The following ITPR2 variants were observed in gnomAD, a reference collection of about 807,000 sequenced individuals.
ITPR2 encodes inositol 1,4,5-trisphosphate-gated calcium channel ITPR2.
A neutral mutation model predicts 317.1 loss-of-function variants in ITPR2; 207 were observed. The ratio of observed to expected loss-of-function variants is 0.65; its 90% CI spans 0.58 to 0.73. ITPR2 has a LOEUF of 0.73. ITPR2 is among the 30% of genes least tolerant of loss of function. ITPR2 has a pLI of 0.00. For synonymous variants in ITPR2, 1,156 were observed against 1,149.1 expected (o/e 1.01, Z -0.12); for missense variants, 2,613 against 3,284.0 (o/e 0.80, Z 4.99).
intron 1 of ITPR2, among the ~76,000 whole-genome samples, chr12:26,815,496 G>C (rs900231020): frequency 1.3e-5 from 2 of 152,086 alleles, no homozygotes; most frequent in Non-Finnish European, 2.9e-5. Flanking sequence ...TGAAATATTA[G>C]CAACTAAAAT....
At chr12:26,693,008 T>A (rs1179855479) in intron 10 of ITPR2, among the ~76,000 whole-genome samples, 6 of 152,236 alleles carry the variant, frequency 3.9e-5, no homozygotes, top group Non-Finnish European at 7.3e-5. Context: ...ATTATTGCTC[T>A]GTGGCAAATG....
chr12:26,383,650 A>ATTT (rs10687022), intron 55 of ITPR2, among the ~76,000 whole-genome samples: 17,267 of 134,042 alleles, frequency 0.13, 1,419 homozygotes, highest in East Asian at 0.38. Context: ...CGCCTGGCTA[A>ATTT]TTTTTTTTTT....
intron 10 of ITPR2, among the ~76,000 whole-genome samples, chr12:26,693,869 C>T (rs1351516866): frequency 6.6e-6 from 1 of 152,116 alleles, no homozygotes; most frequent in Non-Finnish European, 1.5e-5. Flanking sequence ...AAAGAGTTTC[C>T]ATCTGTCTGA....
intron 1 of ITPR2, among the ~76,000 whole-genome samples, chr12:26,791,428 A>T (rs1950338997): frequency 6.6e-6 from 1 of 152,080 alleles, no homozygotes; most frequent in Non-Finnish European, 1.5e-5. Context: ...GCATGCATCA[A>T]CTCCAGCACA....
chr12:26,658,252 CACA>C lies in ITPR2; in HGVS notation c.1887-125_1887-123del, dbSNP rs532740196. On this transcript the variant is annotated intron_variant, in intron 16 of 56. Coordinates refer to ENST00000381340, the MANE Select transcript of ITPR2 (RefSeq NM_002223.4). Reference sequence around the variant, plus strand: ...ATTATATGTTTTAATATTATTTCCACACAACATTTGTCTAATGTGTTGTTTATC... The same window carrying C: ...ATTATATGTTTTAATATTATTTCCACACATTTGTCTAATGTGTTGTTTATC... The C allele has an allele frequency of 3.9e-3, 2,306 of 594,310 alleles. 5 individuals carry two copies. The highest frequency in any genetic ancestry group is 4.7e-3 in the Non-Finnish European group (1,876 of 396,670). 36.8% of individuals were successfully genotyped at this position (594,310 alleles called of 1,614,324 possible).
chr12:26,732,006 A>C (rs1176804574), intron 2 of ITPR2, among the ~76,000 whole-genome samples: 1 of 151,334 alleles, frequency 6.6e-6, no homozygotes, highest in Non-Finnish European at 1.5e-5. Context: ...CACAAATTTC[A>C]AACCAAACAT....
chr12:26,528,113 A>G (rs1462704002), intron 37 of ITPR2, among the ~76,000 whole-genome samples: 1 of 152,164 alleles, frequency 6.6e-6, no homozygotes, highest in African/African-American at 2.4e-5. Flanking sequence ...GTTTGCCGTT[A>G]GGTTGGGGGG....
chr12:26,447,036 G>A (rs889103783), intron 45 of ITPR2, among the ~76,000 whole-genome samples: 1 of 150,594 alleles, frequency 6.6e-6, no homozygotes, highest in Admixed American at 6.6e-5. Flanking sequence ...TTGTATCTGA[G>A]TAACTATTAT....
chr12:26,728,307 C>A lies in ITPR2; in HGVS notation c.164-2542G>T, dbSNP rs185645866. ...CTTAATAATCGACTAGATGTGGGGG[C>A]GGGAAAAGGTCAAGGAGGGGTAAGT... On this transcript the variant is annotated intron_variant, in intron 2 of 56. Transcript: ENST00000381340. Among the ~76,000 whole-genome samples, 7 of 152,038 alleles carry A rather than the reference C, an allele frequency of 4.6e-5. 1 individual carries two copies. The highest frequency in any genetic ancestry group is 1.7e-4 in the African/African-American group (7 of 41,466).
intron 37 of ITPR2, among the ~76,000 whole-genome samples, chr12:26,530,583 T>C (rs1052835622): frequency 6.6e-6 from 1 of 152,194 alleles, no homozygotes; most frequent in Non-Finnish European, 1.5e-5. Flanking sequence ...TTTCTATACA[T>C]AAGCTATCCT....
intron 13 of ITPR2, among the ~76,000 whole-genome samples, chr12:26,677,117 C>A (rs752077307): frequency 1.1e-4 from 17 of 151,844 alleles, no homozygotes; most frequent in Non-Finnish European, 2.1e-4. Context: ...GAAAATATGA[C>A]CTAAAGCTTC....
At chr12:26,399,120 A>C in intron 53 of ITPR2, 79 bp from the exon 54 acceptor site, 1 of 1,040,354 alleles carries the variant, frequency 9.6e-7, no homozygotes, top group Non-Finnish European at 1.3e-6. Context: ...TATATTCAAT[A>C]AATGTTTGTG....
At chr12:26,453,429 A>AG (rs1941790512) in intron 45 of ITPR2, among the ~76,000 whole-genome samples, 1 of 152,234 alleles carries the variant, frequency 6.6e-6, no homozygotes, top group Non-Finnish European at 1.5e-5. Flanking sequence ...AGGGTGAGGA[A>AG]GCAAGAAAAG....
intron 9 of ITPR2, among the ~76,000 whole-genome samples, chr12:26,696,445 T>C (rs1209929578): frequency 6.6e-6 from 1 of 152,142 alleles, no homozygotes; most frequent in East Asian, 1.9e-4. Context: ...AAAGTTATCA[T>C]TTAAAATGTA....
chr12:26,548,814 C>T (rs1463972723), intron 37 of ITPR2, among the ~76,000 whole-genome samples: 1 of 152,142 alleles, frequency 6.6e-6, no homozygotes, highest in Non-Finnish European at 1.5e-5. Flanking sequence ...CTAGTGATAG[C>T]AGTGGGAATG....
At chr12:26,364,522 G>T (rs1409700546) in intron 55 of ITPR2, among the ~76,000 whole-genome samples, 1 of 152,168 alleles carries the variant, frequency 6.6e-6, no homozygotes, top group Non-Finnish European at 1.5e-5. Context: ...CAGGATTTAA[G>T]CAAGCCCTTG....
At chr12:26,627,916 T>A in intron 23 of ITPR2, 117 bp downstream of exon 23, 1 of 903,960 alleles carries the variant, frequency 1.1e-6, no homozygotes, top group Non-Finnish European at 1.6e-6. Flanking sequence ...GAACTTAAAG[T>A]ATAATAAAAA....
At chr12:26,668,870 C>T (rs1474855303) in intron 13 of ITPR2, among the ~76,000 whole-genome samples, 1 of 151,874 alleles carries the variant, frequency 6.6e-6, no homozygotes, top group African/African-American at 2.4e-5. Flanking sequence ...CCTGTAATCC[C>T]AGCATTTTGG....
At chr12:26,446,683 C>A (rs1941615404) in intron 45 of ITPR2, among the ~76,000 whole-genome samples, 1 of 142,012 alleles carries the variant, frequency 7.0e-6, no homozygotes, top group African/African-American at 2.6e-5. Flanking sequence ...TGACATGATT[C>A]TGCATTTGTC....
Sources: gnomAD v4.1 joint callset for allele counts (sites outside exome capture counted in the v4.1 genomes callset) on GRCh38, gnomAD v4.1.1 for gene constraint, MANE v1.5 for transcripts, NCBI Gene and HGNC (gene_info 2026-07-23, HGNC 2026-07-21) for gene names.